RRBP1: variants seen among roughly 807,000 people sequenced by gnomAD.
The protein encoded by RRBP1 is ribosome-binding protein 1.
Under a neutral mutation model 165.2 loss-of-function variants are expected in RRBP1, and 94 were observed. That is an observed-to-expected ratio of 0.57 (90% CI 0.48 to 0.68). The LOEUF (loss-of-function observed/expected upper bound fraction) is 0.68. Among genes scored for constraint, RRBP1 ranks in the 30% least tolerant of loss-of-function variants. The pLI, the probability that RRBP1 is intolerant of heterozygous loss-of-function variation, is 0.00. For missense variants in RRBP1, 1,676 were observed against 1,763.0 expected (o/e 0.95, Z 0.88); for synonymous variants, 680 against 714.5 (o/e 0.95, Z 0.77).
At chr20:17,641,568 C>T (rs1329216028) in intron 5 of RRBP1, 10 of 587,164 alleles carry the variant, frequency 1.7e-5, no homozygotes, top group Non-Finnish European at 3.0e-5. Context: ...TTCTTACAGC[C>T]ACGAAGGAAG....
Position 17,660,294 on chromosome 20 carries a change from T to A in RRBP1, c.214A>T (p.Thr72Ser). ...KEKTVEKKGK[T>S]KKKEEKPNGK... ...TTAGGTTTCTCTTCCTTTTTCTTGG[T>A]CTTTCCTTTCTTCTCCACTGTTTTC... is the stretch of plus-strand genomic sequence containing the variant. Residue 72 changes from threonine (T) to serine (S), a missense_variant, in exon 3 of 25, where the codon ACC becomes TCC. This residue lies in a region of RRBP1 where 392 missense variants were observed against 382.5 expected (regional missense o/e 1.02). Transcript: ENST00000377813. 1 of 1,606,738 alleles carries A rather than the reference T, an allele frequency of 6.2e-7. No individual in the cohort carries two copies. Among genetic ancestry groups the A allele is most frequent in the Non-Finnish European group, 8.5e-7 (1 of 1,175,758 alleles).
At chr20:17,660,665 G>C in intron 2 of RRBP1, 137 bp from the exon 3 acceptor site, 1 of 622,770 alleles carries the variant, frequency 1.6e-6, no homozygotes, top group Non-Finnish European at 2.8e-6. Context: ...ACAAACCCAG[G>C]CACTCTCTGA....
chr20:17,636,031 G>A (rs546148369), intron 6 of RRBP1, among the ~76,000 whole-genome samples: 6 of 152,340 alleles, frequency 3.9e-5, no homozygotes, highest in South Asian at 4.1e-4. Context: ...AGGAAGCCTC[G>A]ATTCCTGCCC....
Position 17,658,835 on chromosome 20 carries a change from G to A in RRBP1, c.1673C>T (p.Thr558Ile). Residue 558 changes from threonine (T) to isoleucine (I), a missense_variant, in exon 3 of 25, where the codon ACA (threonine) becomes ATA (isoleucine). Around this residue, in one of 5 missense-constraint regions of RRBP1, gnomAD observed 1,184 missense variants for 1,167.1 expected, o/e 1.01. Transcript: ENST00000377813. The part of the protein sequence containing the change: ...KKADSVANQG[T>I]KVEGITNQGK... The stretch of plus-strand genomic sequence containing the variant: ...CTGGTTTGTAATACCCTCTACCTTT[G>A]TGCCCTGATTAGCAACCGAATCTGC... The A allele has an allele frequency of 5.0e-6, 8 of 1,613,782 alleles. No individual in the cohort carries two copies. The highest frequency in any genetic ancestry group is 6.8e-6 in the Non-Finnish European group (8 of 1,179,868).
At chr20:17,621,574 G>C in intron 15 of RRBP1, 27 bp from the exon 16 acceptor site, 2 of 1,600,108 alleles carry the variant, frequency 1.2e-6, no homozygotes, top group Non-Finnish European at 1.7e-6. Context: ...CAGGTGTTTA[G>C]TTAGCCACAC....
chr20:17,621,653 G>A (rs1327590877), intron 15 of RRBP1, 37 bp downstream of exon 15: 3 of 1,604,872 alleles, frequency 1.9e-6, no homozygotes, highest in African/African-American at 1.3e-5. Flanking sequence ...GGACAGGGGA[G>A]CCCAACAGAG....
chr20:17,669,514 A>G (rs1162389763), intron 2 of RRBP1, among the ~76,000 whole-genome samples: 1 of 152,248 alleles, frequency 6.6e-6, no homozygotes, highest in Non-Finnish European at 1.5e-5. Context: ...ACTGTATCAA[A>G]TCAAACCTCA....
chr20:17,653,188 G>A (rs978848867), intron 3 of RRBP1, among the ~76,000 whole-genome samples: 4 of 152,146 alleles, frequency 2.6e-5, no homozygotes, highest in Admixed American at 1.3e-4. Flanking sequence ...CGTGCCCAGC[G>A]CGCCCTCGGG....
At chr20:17,646,656 GCAGCT>G (rs1269556851) in intron 3 of RRBP1, among the ~76,000 whole-genome samples, 9 of 152,184 alleles carry the variant, frequency 5.9e-5, no homozygotes, top group Admixed American at 6.5e-5. Context: ...GCAGCTCACA[GCAGCT>G]CAGATAACGC....
At chr20:17,615,890 C>G (rs2035790252) in intron 22 of RRBP1, 36 bp downstream of exon 22, 4 of 1,566,612 alleles carry the variant, frequency 2.6e-6, no homozygotes, top group Non-Finnish European at 3.5e-6. Flanking sequence ...GGCCCAGGGG[C>G]TGATGGGGGC....
chr20:17,622,097 G>A (rs2035927368), intron 13 of RRBP1, 150 bp from the exon 14 acceptor site: 1 of 652,046 alleles, frequency 1.5e-6, no homozygotes, highest in African/African-American at 1.8e-5. Context: ...AGGAGAAGAT[G>A]AGGCTCCATG....
chr20:17,654,123 G>A (rs1223582859), intron 3 of RRBP1, among the ~76,000 whole-genome samples: 3 of 152,182 alleles, frequency 2.0e-5, no homozygotes, highest in Admixed American at 1.3e-4. Flanking sequence ...CGCTCAGACT[G>A]GTGTGGGCCG....
At chr20:17,626,596 G>A (rs1421433443) in intron 11 of RRBP1, among the ~76,000 whole-genome samples, 1 of 152,200 alleles carries the variant, frequency 6.6e-6, no homozygotes, top group Admixed American at 6.5e-5. Context: ...GCGAGGGAAT[G>A]CAGGACACCC....
chr20:17,621,573 A>G (rs1456356494), intron 15 of RRBP1, 26 bp from the exon 16 acceptor site: 1 of 1,599,106 alleles, frequency 6.3e-7, no homozygotes, highest in Non-Finnish European at 8.6e-7. Context: ...ACAGGTGTTT[A>G]GTTAGCCACA....
In RRBP1 at chr20:17,660,424, C is replaced by T. The variant is rs768019465; in HGVS notation, c.84G>A (p.Val28=). Residue 28 remains valine, a synonymous_variant, in exon 3 of 25, where the codon GTG becomes GTA. Transcript: ENST00000377813. ...ACGTTTCCTTCATGGAGAAAGTCGACACCAGGAAGATGCCAATGGCAGAAA... is the reference window on the plus strand; with the variant it reads ...ACGTTTCCTTCATGGAGAAAGTCGATACCAGGAAGATGCCAATGGCAGAAA... The part of the protein sequence containing the change: ...MVVSAIGIFL[V]STFSMKETSY... 6.2e-7 allele frequency: 1 copy of T among 1,614,164 alleles called. No individual in the cohort carries two copies. Among genetic ancestry groups the T allele is most frequent in the Admixed American group, 1.7e-5 (1 of 60,016 alleles).
chr20:17,666,961 T>A (rs2122481195), intron 2 of RRBP1, among the ~76,000 whole-genome samples: 1 of 152,374 alleles, frequency 6.6e-6, no homozygotes. Context: ...TTCTATGGTA[T>A]AAATGTTTCT....
At chr20:17,621,609 C>T (rs1053752899) in intron 15 of RRBP1, 62 bp from the exon 16 acceptor site, 13 of 1,589,310 alleles carry the variant, frequency 8.2e-6, no homozygotes, top group African/African-American at 1.3e-5. Context: ...CTTGGCTTCC[C>T]GTTGAAATGA....
intron 3 of RRBP1, among the ~76,000 whole-genome samples, chr20:17,655,289 A>G (rs1051890155): frequency 6.6e-6 from 1 of 152,224 alleles, no homozygotes; most frequent in Non-Finnish European, 1.5e-5. Flanking sequence ...GGCTGAGGAT[A>G]ACAGGAGTGG....
At chr20:17,661,400 T>C (rs77281689) in intron 2 of RRBP1, among the ~76,000 whole-genome samples, 18,140 of 152,204 alleles carry the variant, frequency 0.12, 1,398 homozygotes, top group Middle Eastern at 0.24. Context: ...ATCCAGAAGC[T>C]GCACAGAGGG....
Sources: gnomAD v4.1 joint callset for allele counts (sites outside exome capture counted in the v4.1 genomes callset) on GRCh38, gnomAD v4.1.1 for gene constraint, gnomAD v4.1.1 regional missense constraint, MANE v1.5 for transcripts, NCBI Gene and HGNC (gene_info 2026-07-23, HGNC 2026-07-21) for gene names.